NETO2: variants seen among roughly 807,000 people sequenced by gnomAD.
NETO2 encodes the protein neuropilin and tolloid-like protein 2.
In NETO2, 28 loss-of-function variants were observed where a neutral mutation model predicts 62.5. The observed-to-expected ratio is 0.45, with a 90% CI of 0.33 to 0.61. The LOEUF is 0.61. NETO2 is among the 20% of genes least tolerant of loss of function. NETO2 has a pLI of 0.02. For synonymous variants in NETO2, 214 were observed against 219.1 expected, an observed-to-expected ratio of 0.98 and a Z score of 0.21; for missense variants, 548 against 643.2, an observed-to-expected ratio of 0.85 and a Z score of 1.60.
At chr16:47,084,973 C>T (rs1350645937) in intron 8 of NETO2, among the ~76,000 whole-genome samples, 1 of 152,176 alleles carries the variant, frequency 6.6e-6, no homozygotes, top group Non-Finnish European at 1.5e-5. Flanking sequence ...TGCCCCACCC[C>T]TGTTCTGTGA....
chr16:47,119,857 C>T (rs1964002406), intron 6 of NETO2, among the ~76,000 whole-genome samples: 1 of 152,220 alleles, frequency 6.6e-6, no homozygotes, highest in South Asian at 2.1e-4. Flanking sequence ...ATTTCTGTCA[C>T]ATGATGCTCT....
Position 47,082,668 on chromosome 16 carries a change from T to C in NETO2, c.*553A>G, listed in dbSNP as rs1053100563. On this transcript the variant is annotated 3_prime_UTR_variant, in exon 9 of 9. Coordinates refer to ENST00000562435, the MANE Select transcript of NETO2 (RefSeq NM_018092.5). ...TGGGTGAAATACAACTGGGTCTTAA[T>C]TGGCACAGTAACTAGCTGTATTTTG... The C allele has an allele frequency of 7.2e-5, 11 of 152,384 alleles. No individual in the cohort carries two copies. Among genetic ancestry groups the C allele is most frequent in the African/African-American group, 1.9e-4 (8 of 41,580 alleles). 9.4% of individuals were successfully genotyped at this position (152,384 alleles called of 1,614,324 possible).
chr16:47,125,492 T>C (rs1964137757), intron 4 of NETO2, among the ~76,000 whole-genome samples: 1 of 152,024 alleles, frequency 6.6e-6, no homozygotes, highest in Admixed American at 6.5e-5. Flanking sequence ...ATTACAGACG[T>C]GCACCACCAC....
In NETO2 at chr16:47,109,814, A is replaced by G. The variant is rs182423317; in HGVS notation, c.655-103T>C. 2.4e-5 allele frequency: 18 copies of G among 742,156 alleles called. No homozygotes were observed. The African/African-American group carries it at 3.2e-4, about 13-fold the overall frequency. The allele number at this position is 742,156 out of a possible 1,614,324, so 46.0% of individuals were successfully genotyped here. On this transcript the variant is annotated intron_variant, in intron 6 of 8. Coordinates refer to ENST00000562435, the MANE Select transcript of NETO2 (RefSeq NM_018092.5). Reference sequence around the variant, plus strand: ...AACATGGGACACCGAATGACAGCTGACAGAAAACCATAATCGATAAATGGC... The same window carrying G: ...AACATGGGACACCGAATGACAGCTGGCAGAAAACCATAATCGATAAATGGC...
chr16:47,114,895 TAC>T (rs1963878711), intron 6 of NETO2, among the ~76,000 whole-genome samples: 1 of 152,180 alleles, frequency 6.6e-6, no homozygotes, highest in Non-Finnish European at 1.5e-5. Flanking sequence ...AATTTTTAAA[TAC>T]AGTGTTGGAT....
chr16:47,128,455 A>G lies in NETO2; in HGVS notation c.351T>C (p.Leu117=). Residue 117 remains leucine (L), a synonymous_variant, in exon 4 of 9, where the codon CTT becomes CTC. Transcript: ENST00000562435. ...VRDGPFGFSP[L]IDRYCGVKSP... is the part of the protein sequence containing the mutation. Reference sequence around the variant, plus strand: ...TTTTCACGCCACAGTAACGATCTATAAGAGGAGAGAAACCAAATGGCCCAT... The same window carrying G: ...TTTTCACGCCACAGTAACGATCTATGAGAGGAGAGAAACCAAATGGCCCAT... The G allele has an allele frequency of 6.2e-7, 1 of 1,614,136 alleles. No individual in the cohort carries two copies. Among genetic ancestry groups the G allele is most frequent in the Non-Finnish European group, 8.5e-7 (1 of 1,179,980 alleles).
chr16:47,143,601 C>A lies in NETO2; in HGVS notation c.12G>T (p.Glu4Asp). 1 of 1,223,028 alleles carries A rather than the reference C, an allele frequency of 8.2e-7. No individual in the cohort carries two copies. The highest frequency in any genetic ancestry group is 1.0e-6 in the Non-Finnish European group (1 of 978,118). 75.8% of individuals were successfully genotyped at this position (1,223,028 alleles called of 1,614,324 possible). The change falls in exon 1 of 9, where the codon GAG becomes GAT. Residue 4 changes from glutamate (E) to aspartate (D), a missense_variant. Transcript: ENST00000562435. The stretch of plus-strand genomic sequence containing the variant: ...TACCTTTGAGGACCGAGCAGAGCCG[C>A]TCCAGGGCCATGTTCCCGAGCTGCC... MAL[E>D]RLCSVLKVLL...
intron 7 of NETO2, among the ~76,000 whole-genome samples, chr16:47,099,729 G>A (rs1963503247): frequency 6.6e-6 from 1 of 152,016 alleles, no homozygotes; most frequent in Admixed American, 6.6e-5. Flanking sequence ...ATTACATAAT[G>A]GTAAAGGGAT....
At chr16:47,098,702 G>A (rs930973954) in intron 7 of NETO2, among the ~76,000 whole-genome samples, 1 of 151,834 alleles carries the variant, frequency 6.6e-6, no homozygotes, top group Non-Finnish European at 1.5e-5. Context: ...TCCTTGAGAA[G>A]AGCAACCCCA....
At chr16:47,139,484 A>C (rs968350117) in intron 1 of NETO2, among the ~76,000 whole-genome samples, 2 of 152,214 alleles carry the variant, frequency 1.3e-5, no homozygotes, top group Non-Finnish European at 2.9e-5. Flanking sequence ...AGTGGTAAAC[A>C]TAAAGCTTTT....
intron 7 of NETO2, among the ~76,000 whole-genome samples, chr16:47,098,840 C>T (rs1389414014): frequency 6.6e-6 from 1 of 152,134 alleles, no homozygotes; most frequent in Non-Finnish European, 1.5e-5. Context: ...CTGCAGAAAC[C>T]CTACAAGCCA....
At chr16:47,101,977 C>A (rs903994269) in intron 7 of NETO2, among the ~76,000 whole-genome samples, 4 of 152,174 alleles carry the variant, frequency 2.6e-5, no homozygotes, top group Admixed American at 1.3e-4. Context: ...ATAGCCAAGA[C>A]AATCCTAAGC....
chr16:47,128,883 T>C lies in NETO2; in HGVS notation c.233-310A>G, dbSNP rs75428347. Among the ~76,000 whole-genome samples, 10 of 152,202 alleles carry C rather than the reference T, an allele frequency of 6.6e-5. No homozygotes were observed. The East Asian group carries it at 1.7e-3, about 26-fold the overall frequency. ...CAACGTACCACAATACACAGAAAAATAAACAGAAGAAATGAAAAGAACTCA... is the reference window on the plus strand; with the variant it reads ...CAACGTACCACAATACACAGAAAAACAAACAGAAGAAATGAAAAGAACTCA... On this transcript the variant is annotated intron_variant, in intron 3 of 8. Coordinates refer to ENST00000562435, the MANE Select transcript of NETO2 (RefSeq NM_018092.5).
intron 1 of NETO2, among the ~76,000 whole-genome samples, chr16:47,141,780 T>C (rs145658443): frequency 2.0e-5 from 3 of 152,310 alleles, no homozygotes; most frequent in African/African-American, 7.2e-5. Context: ...CCAGACACTA[T>C]ATTGTTTTCA....
intron 8 of NETO2, 100 bp from the exon 9 acceptor site, chr16:47,083,901 G>T (rs1963127297): frequency 1.2e-6 from 1 of 817,848 alleles, no homozygotes; most frequent in African/African-American, 1.7e-5. Flanking sequence ...GAATACTTGG[G>T]CCAAATATAC....
chr16:47,111,569 T>C (rs1009892318), intron 6 of NETO2, among the ~76,000 whole-genome samples: 1 of 152,242 alleles, frequency 6.6e-6, no homozygotes, highest in Non-Finnish European at 1.5e-5. Flanking sequence ...AAGGGATCTT[T>C]TACTTACAAC....
At chr16:47,127,372 A>G (rs912152744) in intron 4 of NETO2, among the ~76,000 whole-genome samples, 15 of 152,188 alleles carry the variant, frequency 9.9e-5, no homozygotes, top group Non-Finnish European at 1.6e-4. Flanking sequence ...TAGCCCCCCA[A>G]TATACACACA....
chr16:47,137,782 GCA>G (rs1434043707), intron 1 of NETO2, among the ~76,000 whole-genome samples: 1 of 152,054 alleles, frequency 6.6e-6, no homozygotes, highest in African/African-American at 2.4e-5. Flanking sequence ...TACTGATTTT[GCA>G]CACTTCTATG....
chr16:47,119,301 G>A (rs1211783638), intron 6 of NETO2, among the ~76,000 whole-genome samples: 2 of 151,568 alleles, frequency 1.3e-5, no homozygotes, highest in African/African-American at 2.4e-5. Flanking sequence ...ACAGGCGCCC[G>A]CCACCACGCC....
Sources: allele counts gnomAD v4.1 joint callset (sites outside exome capture counted in the v4.1 genomes callset), GRCh38; gene constraint gnomAD v4.1.1; transcripts MANE v1.5; gene names NCBI Gene and HGNC (gene_info 2026-07-23, HGNC 2026-07-21).